OPRM1: variants seen among roughly 807,000 people sequenced by gnomAD.
OPRM1 encodes mu-type opioid receptor.
Under a neutral mutation model 31.8 loss-of-function variants are expected in OPRM1, and 27 were observed. That is an observed-to-expected ratio of 0.85 (90% confidence interval 0.63 to 1.17). OPRM1 has a LOEUF of 1.17. Ranked by LOEUF, OPRM1 falls within the 50% of genes most tolerant of loss-of-function variation. The probability of loss-of-function intolerance (pLI) is 0.00; values close to 1 mark genes in which losing one functional copy is unlikely to be tolerated. For synonymous variants in OPRM1, 196 were observed against 189.9 expected, an observed-to-expected ratio of 1.03 and a Z score of -0.26; for missense variants, 536 against 511.1, an observed-to-expected ratio of 1.05 and a Z score of -0.47.
At chr6:154,064,767 C>G (rs1051341390) in intron 1 of OPRM1, among the ~76,000 whole-genome samples, 1 of 152,124 alleles carries the variant, frequency 6.6e-6, no homozygotes, top group African/African-American at 2.4e-5. Context: ...ATTGAAAGGT[C>G]TTGGAACTCT....
intron 3 of OPRM1, among the ~76,000 whole-genome samples, chr6:154,239,009 CCT>C (rs1780367086): frequency 6.6e-6 from 1 of 151,912 alleles, no homozygotes; most frequent in African/African-American, 2.4e-5. Context: ...AGCTGTATCC[CCT>C]GAGTGGGCAT....
At chr6:154,081,293 G>C (rs1789069595) in intron 1 of OPRM1, among the ~76,000 whole-genome samples, 1 of 152,184 alleles carries the variant, frequency 6.6e-6, no homozygotes, top group African/African-American at 2.4e-5. Context: ...CACGAGGTCA[G>C]GAGATTGAGA....
chr6:154,209,496 A>T (rs1376234660), intron 3 of OPRM1, among the ~76,000 whole-genome samples: 1 of 152,046 alleles, frequency 6.6e-6, no homozygotes, highest in Non-Finnish European at 1.5e-5. Context: ...ACAAAAAAAA[A>T]ATTCACCAGG....
chr6:154,099,846 CATAAT>C (rs1445101813), intron 3 of OPRM1, among the ~76,000 whole-genome samples: 11 of 144,114 alleles, frequency 7.6e-5, no homozygotes, highest in Admixed American at 2.1e-4. Context: ...CAGGATATAT[CATAAT>C]ATATTATATA....
rs1421247340 is a variant in OPRM1, at chr6:154,122,975, AAG to A, written c.*4256_*4257del. Among the ~76,000 whole-genome samples the A allele has an allele frequency of 5.9e-5, 9 of 152,314 alleles. No homozygotes were observed. Among genetic ancestry groups the A allele is most frequent in the African/African-American group, 1.9e-4 (8 of 41,570 alleles). On this transcript the variant is annotated 3_prime_UTR_variant, in exon 4 of 4. Coordinates refer to ENST00000330432, the MANE Select transcript of OPRM1 (RefSeq NM_000914.5). The stretch of plus-strand genomic sequence containing the variant: ...TATCCGAGCTCGTTGTCTCACAACC[AAG>A]AAAATTAAGGAGCATGGACACAAAG...
At position 154,114,286 on chromosome 6, in the gene OPRM1, A is replaced by G. The variant is rs193152492; in HGVS notation, c.1165-4397A>G. 5.5e-4 allele frequency among the ~76,000 whole-genome samples: 84 copies of G among 152,310 alleles called. 1 individual carries two copies. In the South Asian group the frequency reaches 8.1e-3, roughly 15 times the overall value. On this transcript the variant is annotated intron_variant, in intron 3 of 3. Transcript: ENST00000330432. Reference sequence around the variant, plus strand: ...CAACTTTTGAGTCTTAGTCCACATCATTTTGGAGATACTGACTTGGGTGGC... The same window carrying G: ...CAACTTTTGAGTCTTAGTCCACATCGTTTTGGAGATACTGACTTGGGTGGC...
rs563310110 is a variant in OPRM1, at chr6:154,235,826, A to T, written c.1165-10867A>T. Reference sequence around the variant, plus strand: ...GGTCACTAGTCATTAGGAAAAGGCAAATCAAAGCCACCGTGTGATGGTACC... The same window carrying T: ...GGTCACTAGTCATTAGGAAAAGGCATATCAAAGCCACCGTGTGATGGTACC... On this transcript the variant is annotated intron_variant, in intron 3 of 3. Coordinates refer to the OPRM1 transcript ENST00000337049. Among the ~76,000 whole-genome samples the T allele has an allele frequency of 3.9e-5, 6 of 152,330 alleles. No individual in the cohort carries two copies. The South Asian group carries it at 1.2e-3, about 32-fold the overall frequency.
intron 1 of OPRM1, among the ~76,000 whole-genome samples, chr6:154,084,933 C>G (rs1157481707): frequency 6.6e-6 from 1 of 151,378 alleles, no homozygotes; most frequent in Non-Finnish European, 1.5e-5. Context: ...CACACACACA[C>G]ACACACACAC....
rs149075882 is a variant in OPRM1, at chr6:154,060,780, AAG to A, written c.290+20948_290+20949del. Among the ~76,000 whole-genome samples the A allele has an allele frequency of 3.2e-3, 490 of 152,326 alleles. 2 individuals carry two copies. The highest frequency in any genetic ancestry group is 0.011 in the African/African-American group (477 of 41,578). On this transcript the variant is annotated intron_variant, in intron 1 of 3. Coordinates refer to ENST00000330432, the MANE Select transcript of OPRM1 (RefSeq NM_000914.5). The stretch of plus-strand genomic sequence containing the variant: ...AATGCTTCCCTAGAAAATGGGAAGA[AAG>A]AAGTCACAAGACAATGTGTCATTAA...
chr6:154,214,233 T>C (rs771560630), intron 3 of OPRM1: 1 of 1,608,314 alleles, frequency 6.2e-7, no homozygotes, highest in Non-Finnish European at 8.5e-7. Flanking sequence ...TCCTTTGTAG[T>C]GGATTCCTGA....
intron 3 of OPRM1, among the ~76,000 whole-genome samples, chr6:154,170,836 T>C (rs1799814391): frequency 6.6e-6 from 1 of 152,162 alleles, no homozygotes; most frequent in Non-Finnish European, 1.5e-5. Flanking sequence ...TCATACATTG[T>C]TAGTGGGAAT....
chr6:154,070,619 T>G (rs1292867023), intron 1 of OPRM1, among the ~76,000 whole-genome samples: 1 of 152,242 alleles, frequency 6.6e-6, no homozygotes, highest in African/African-American at 2.4e-5. Flanking sequence ...GATAATTTTT[T>G]GGTAATATCT....
intron 1 of OPRM1, among the ~76,000 whole-genome samples, chr6:154,065,746 A>AT (rs894746056): frequency 4.1e-4 from 61 of 149,722 alleles, no homozygotes; most frequent in Non-Finnish European, 4.3e-4. Context: ...ATTTAGGTGT[A>AT]TTTTTTTTTC....
chr6:154,196,999 T>G (rs1024943857), intron 3 of OPRM1, among the ~76,000 whole-genome samples: 3 of 152,224 alleles, frequency 2.0e-5, no homozygotes, highest in African/African-American at 7.2e-5. Context: ...ATGTACTGTC[T>G]GCTTGTTTCA....
intron 3 of OPRM1, among the ~76,000 whole-genome samples, chr6:154,147,522 C>G (rs1798390336): frequency 1.3e-5 from 2 of 152,210 alleles, no homozygotes; most frequent in Admixed American, 6.5e-5. Flanking sequence ...ACTTATCAGG[C>G]CAGTTGCTTC....
chr6:154,246,559 G>A (rs765945298), intron 3 of OPRM1: 6 of 1,582,706 alleles, frequency 3.8e-6, no homozygotes, highest in South Asian at 2.3e-5. Context: ...TCATTAAAAC[G>A]GCTGGGAATA....
chr6:154,189,794 C>T (rs1801703048), intron 3 of OPRM1, among the ~76,000 whole-genome samples: 1 of 151,762 alleles, frequency 6.6e-6, no homozygotes, highest in South Asian at 2.1e-4. Flanking sequence ...TATGGTGAAA[C>T]CCTGTCTCTA....
chr6:154,045,212 G>T (rs933547913), intron 1 of OPRM1, among the ~76,000 whole-genome samples: 2 of 151,840 alleles, frequency 1.3e-5, no homozygotes, highest in African/African-American at 4.8e-5. Flanking sequence ...GCAACACAGT[G>T]GGACTCCGAC....
At chr6:154,018,795 A>G (rs1204457369) in intron 1 of OPRM1, among the ~76,000 whole-genome samples, 1 of 152,128 alleles carries the variant, frequency 6.6e-6, no homozygotes, top group Non-Finnish European at 1.5e-5. Flanking sequence ...AATGTGTTCT[A>G]TTTGGGTTCA....
Sources: allele counts gnomAD v4.1 joint callset (sites outside exome capture counted in the v4.1 genomes callset), GRCh38; gene constraint gnomAD v4.1.1; transcripts MANE v1.5; gene names NCBI Gene and HGNC (gene_info 2026-07-23, HGNC 2026-07-21).